TECTA: variants seen among roughly 807,000 people sequenced by gnomAD.
TECTA encodes the protein tectorin alpha.
In TECTA, 128 loss-of-function variants were observed where a neutral mutation model predicts 216.8. The observed-to-expected ratio is 0.59, with a 90% CI of 0.51 to 0.68. TECTA has a LOEUF of 0.68. Among genes scored for constraint, TECTA ranks in the 30% least tolerant of loss-of-function variants. The pLI is 0.00. For synonymous variants in TECTA, 1,089 were observed against 1,117.1 expected (o/e 0.97, Z 0.50); for missense variants, 2,551 against 2,786.2 (o/e 0.92, Z 1.90).
chr11:121,149,332 G>C (rs890590092), intron 12 of TECTA, among the ~76,000 whole-genome samples: 18 of 152,208 alleles, frequency 1.2e-4, no homozygotes, highest in African/African-American at 4.1e-4. Context: ...TGCTACTTCA[G>C]AGTGCTGGGT....
At chr11:121,148,215 TACCAGCTTCCC>T (rs1169902327) in intron 12 of TECTA, among the ~76,000 whole-genome samples, 2 of 152,148 alleles carry the variant, frequency 1.3e-5, no homozygotes, top group South Asian at 4.1e-4. Flanking sequence ...CCTTGACTTC[TACCAGCTTCCC>T]ACCAGCACGT....
At chr11:121,188,559 G>A (rs971158034) in intron 21 of TECTA, among the ~76,000 whole-genome samples, 1 of 152,204 alleles carries the variant, frequency 6.6e-6, no homozygotes, top group Non-Finnish European at 1.5e-5. Context: ...GAGGGGGTGA[G>A]GGATGAGGTA....
Position 121,105,958 on chromosome 11 carries a change from T to G in TECTA, c.192T>G (p.Thr64=). The change falls in exon 3 of 24, where the codon ACT becomes ACG. Residue 64 remains threonine, a synonymous_variant. Coordinates refer to ENST00000392793, the MANE Select transcript of TECTA (RefSeq NM_005422.4). The surrounding 1 kb of genome is among the most constrained non-coding windows in gnomAD (Gnocchi z 5.3). ...TCTTCTTTGGCGTTCCTTACCGCAC[T>G]GTCTATGTAAGTGGAGAAGCAGCCC... is the stretch of plus-strand genomic sequence containing the variant. ...PVFFFGVPYR[T]VYVNNNGVVS... 1 of 1,614,244 alleles carries G rather than the reference T, an allele frequency of 6.2e-7. No homozygotes were observed. Among genetic ancestry groups the G allele is most frequent in the Non-Finnish European group, 8.5e-7 (1 of 1,180,038 alleles).
intron 11 of TECTA, chr11:121,140,774 C>T (rs1946777025): frequency 6.6e-6 from 1 of 152,394 alleles, no homozygotes. Flanking sequence ...CCCTCTGTGT[C>T]TTCTGTTTTC....
chr11:121,170,273 A>T (rs141820636), intron 20 of TECTA, among the ~76,000 whole-genome samples: 22 of 152,268 alleles, frequency 1.4e-4, no homozygotes, highest in Non-Finnish European at 2.9e-4. Flanking sequence ...ACTTAGGTTG[A>T]TTCCATATCT....
chr11:121,180,813 CTTTTTTTTTTT>C (rs34807486), intron 20 of TECTA, among the ~76,000 whole-genome samples: 1 of 119,998 alleles, frequency 8.3e-6, no homozygotes, highest in Non-Finnish European at 1.7e-5. Flanking sequence ...TTTCTTATTC[CTTTTTTTTTTT>C]TTTTTTTGCC....
intron 13 of TECTA, among the ~76,000 whole-genome samples, chr11:121,155,693 T>C (rs1395536683): frequency 6.6e-6 from 1 of 152,184 alleles, no homozygotes; most frequent in Non-Finnish European, 1.5e-5. Flanking sequence ...TGAAAGATCT[T>C]TTCTGGATAA....
At chr11:121,124,817 G>A (rs779901382) in intron 7 of TECTA, among the ~76,000 whole-genome samples, 1 of 152,190 alleles carries the variant, frequency 6.6e-6, no homozygotes, top group African/African-American at 2.4e-5. Flanking sequence ...CAGCCTCAAA[G>A]CTAAATGGTG....
At position 121,157,949 on chromosome 11, in the gene TECTA, C is replaced by G. The variant is rs1226581074; in HGVS notation, c.4414C>G (p.Leu1472Val). The G allele has an allele frequency of 6.2e-7, 1 of 1,613,972 alleles. No homozygotes were observed. Among genetic ancestry groups the G allele is most frequent in the Non-Finnish European group, 8.5e-7 (1 of 1,180,022 alleles). ...ATGCAAGTCAGACGAGGAGTGTGCG[C>G]TGCGCAACGGGGTGCGCGGCTGCTT... ...RQCKSDEECA[L>V]RNGVRGCFST... Residue 1472 changes from leucine to valine, a missense_variant, in exon 14 of 24, where the codon CTG (leucine) becomes GTG (valine). Leu to Val is a conservative substitution (Grantham distance 32). Around this residue, in one of 3 missense-constraint regions of TECTA, gnomAD observed 2,375 missense variants for 2,563.9 expected, o/e 0.93. Transcript: ENST00000392793.
chr11:121,126,185 G>A (rs528147737), intron 8 of TECTA, among the ~76,000 whole-genome samples: 2 of 152,338 alleles, frequency 1.3e-5, no homozygotes, highest in African/African-American at 2.4e-5. Context: ...CAGAGGTGGA[G>A]GTGGCTACTT....
rs774531951 is a variant in TECTA at position 121,160,286 on chromosome 11, T to C, written c.4841T>C (p.Leu1614Pro). 1.2e-6 allele frequency: 2 copies of C among 1,614,198 alleles called. No homozygotes were observed. Among genetic ancestry groups the C allele is most frequent in the Non-Finnish European group, 1.7e-6 (2 of 1,180,028 alleles). Reference sequence around the variant, plus strand: ...ATTAAAATCAGCATCAGCGAGAGGCTGCAGAACAAAGTGTGCGGTCTCTGT... The same window carrying C: ...ATTAAAATCAGCATCAGCGAGAGGCCGCAGAACAAAGTGTGCGGTCTCTGT... ...NVIKISISER[L>P]QNKVCGLCGN... Residue 1614 changes from leucine to proline, a missense_variant, in exon 15 of 24, where the codon CTG becomes CCG. Physicochemically the swap from Leu to Pro is moderately conservative, Grantham distance 98. Coordinates refer to ENST00000392793, the MANE Select transcript of TECTA (RefSeq NM_005422.4).
intron 16 of TECTA, among the ~76,000 whole-genome samples, chr11:121,164,283 T>G (rs576271): frequency 6.6e-6 from 1 of 151,988 alleles, no homozygotes; most frequent in Admixed American, 6.5e-5. Context: ...TTGAATTTAT[T>G]CCTCTTGTCT....
intron 20 of TECTA, among the ~76,000 whole-genome samples, chr11:121,171,202 T>G (rs770760850): frequency 4.6e-5 from 7 of 152,188 alleles, no homozygotes; most frequent in Non-Finnish European, 7.4e-5. Flanking sequence ...CCCCAATGTA[T>G]GTTCTTGACA....
chr11:121,157,831 T>C lies in TECTA; in HGVS notation c.4306-10T>C, dbSNP rs772420080. 2 of 1,613,550 alleles carry C rather than the reference T, an allele frequency of 1.2e-6. No homozygotes were observed. The highest frequency in any genetic ancestry group is 2.2e-5 in the South Asian group (2 of 91,046). On this transcript the variant is annotated splice_polypyrimidine_tract_variant and intron_variant, in intron 13 of 23. Transcript: ENST00000392793. ...GTCTGAATTTAATGCAAACGGCGCCTCTCTTCCAGCCCAAGCAGCTATTTT... is the reference window on the plus strand; with the variant it reads ...GTCTGAATTTAATGCAAACGGCGCCCCTCTTCCAGCCCAAGCAGCTATTTT...
In TECTA at chr11:121,184,572, A is replaced by G. The variant is rs893561428; in HGVS notation, c.6000-3260A>G. On this transcript the variant is annotated intron_variant, in intron 20 of 23. Transcript: ENST00000392793. ...GGAAAGAGGCATGGTTTTCCAAGAG[A>G]AGAAGGGTGTGGTTCTGGGAAGACA... is the stretch of plus-strand genomic sequence containing the variant. Among the ~76,000 whole-genome samples, 6 of 152,136 alleles carry G rather than the reference A, an allele frequency of 3.9e-5. No homozygotes were observed. The East Asian group carries it at 1.2e-3, about 29-fold the overall frequency.
chr11:121,128,011 G>A lies in TECTA; in HGVS notation c.2034G>A (p.Glu678=). The stretch of plus-strand genomic sequence containing the variant: ...ACTGCACTGTGCAATGCCTGTGCGA[G>A]GAGGGCGGGGACGTCTACTGCTTCA... ...TANCTVQCLC[E]EGGDVYCFNK... is the part of the protein sequence containing the mutation. The change falls in exon 9 of 24, where the codon GAG becomes GAA. Residue 678 remains glutamate (E), a synonymous_variant. Transcript: ENST00000392793. The A allele has an allele frequency of 6.2e-7, 1 of 1,613,836 alleles. No individual in the cohort carries two copies. Among genetic ancestry groups the A allele is most frequent in the Non-Finnish European group, 8.5e-7 (1 of 1,179,950 alleles).
intron 11 of TECTA, among the ~76,000 whole-genome samples, chr11:121,144,036 G>C (rs1186202268): frequency 6.6e-6 from 1 of 152,198 alleles, no homozygotes; most frequent in Non-Finnish European, 1.5e-5. Context: ...AGGGCCTGGG[G>C]TTAGGGGCCC....
chr11:121,141,406 T>G (rs1022740234), intron 11 of TECTA, among the ~76,000 whole-genome samples: 1 of 152,224 alleles, frequency 6.6e-6, no homozygotes, highest in Non-Finnish European at 1.5e-5. Flanking sequence ...TCTATGACTC[T>G]GACCTTTCCC....
intron 15 of TECTA, among the ~76,000 whole-genome samples, chr11:121,160,963 G>T (rs1422839781): frequency 1.3e-5 from 2 of 152,218 alleles, no homozygotes; most frequent in South Asian, 2.1e-4. Flanking sequence ...AGCTAAAGAA[G>T]TTATTCCAAA....
Sources: gnomAD v4.1 joint callset for allele counts (sites outside exome capture counted in the v4.1 genomes callset) on GRCh38, gnomAD v4.1.1 for gene constraint, gnomAD v4.1.1 regional missense constraint, Gnocchi (gnomAD v3.1) non-coding constraint, MANE v1.5 for transcripts, NCBI Gene and HGNC (gene_info 2026-07-23, HGNC 2026-07-21) for gene names.